PDE1C: variants seen among roughly 807,000 people sequenced by gnomAD.
PDE1C encodes dual specificity calcium/calmodulin-dependent 3',5'-cyclic nucleotide phosphodiesterase 1C.
PDE1C carries 62 observed loss-of-function variants against 93.1 expected under a neutral mutation model. The observed-to-expected ratio is 0.67, with a 90% CI of 0.54 to 0.82. The LOEUF is 0.82. Ranked by LOEUF, PDE1C falls within the 40% of genes least tolerant of loss-of-function variation. The pLI is 0.00. For synonymous variants in PDE1C, 325 were observed against 310.1 expected (o/e 1.05, Z -0.50); for missense variants, 742 against 884.6 (o/e 0.84, Z 2.04).
At chr7:31,923,463 C>T (rs1363444652) in intron 2 of PDE1C, among the ~76,000 whole-genome samples, 1 of 152,210 alleles carries the variant, frequency 6.6e-6, no homozygotes, top group African/African-American at 2.4e-5. Flanking sequence ...TTGAAAACCA[C>T]TGGTTCAGGG....
At chr7:32,227,714 A>AC in intron 1 of PDE1C, among the ~76,000 whole-genome samples, 1 of 152,286 alleles carries the variant, frequency 6.6e-6, no homozygotes, top group African/African-American at 2.4e-5. Flanking sequence ...CCAACAAAAT[A>AC]CTGTAAAATG....
chr7:31,810,247 T>G (rs6951749), intron 15 of PDE1C, among the ~76,000 whole-genome samples: 1 of 152,116 alleles, frequency 6.6e-6, no homozygotes, highest in African/African-American at 2.4e-5. Flanking sequence ...CCAGTCTTAC[T>G]AATGGAAGCT....
chr7:31,979,754 C>T (rs1235024509), intron 2 of PDE1C, among the ~76,000 whole-genome samples: 5 of 152,180 alleles, frequency 3.3e-5, no homozygotes, highest in Non-Finnish European at 5.9e-5. Flanking sequence ...GAATAATGTA[C>T]TTTTTTTATC....
At chr7:32,405,076 G>A (rs979831454) in intron 1 of PDE1C, among the ~76,000 whole-genome samples, 1 of 152,052 alleles carries the variant, frequency 6.6e-6, no homozygotes, top group Admixed American at 6.6e-5. Context: ...CATTTCCTTT[G>A]CCTGGATCCC....
intron 3 of PDE1C, among the ~76,000 whole-genome samples, chr7:32,165,670 T>TTAC (rs1335257513): frequency 6.6e-6 from 1 of 151,364 alleles, no homozygotes; most frequent in Non-Finnish European, 1.5e-5. Context: ...CAAAAGCCAG[T>TTAC]TACCTCCCAT....
At chr7:31,858,624 A>T (rs1371212261) in intron 7 of PDE1C, among the ~76,000 whole-genome samples, 2 of 152,172 alleles carry the variant, frequency 1.3e-5, no homozygotes, top group African/African-American at 2.4e-5. Flanking sequence ...TATTTTTAAG[A>T]AAGTCTATAT....
intron 1 of PDE1C, among the ~76,000 whole-genome samples, chr7:32,409,172 C>T (rs1785116017): frequency 6.6e-6 from 1 of 152,066 alleles, no homozygotes. Context: ...GCCTGGGCAA[C>T]ATGGTGAAAC....
At chr7:32,017,110 A>G (rs1438528036) in intron 2 of PDE1C, among the ~76,000 whole-genome samples, 2 of 152,202 alleles carry the variant, frequency 1.3e-5, no homozygotes, top group East Asian at 1.9e-4. Context: ...GGTGCCTAAC[A>G]CCTAACTGAG....
intron 1 of PDE1C, among the ~76,000 whole-genome samples, chr7:32,054,891 G>C (rs543844648): frequency 6.6e-6 from 1 of 152,290 alleles, no homozygotes; most frequent in South Asian, 2.1e-4. Context: ...GAATGGGCAA[G>C]ATTGGTGAGG....
At chr7:31,658,684 C>A in the PDE1C span, 3 of 175,688 alleles carry the variant, frequency 1.7e-5, no homozygotes, top group African/African-American at 7.1e-5. Flanking sequence ...CGGCACCTTT[C>A]TCTAGCCCAA....
the PDE1C span, among the ~76,000 whole-genome samples, chr7:31,634,870 C>T: frequency 6.6e-6 from 1 of 152,144 alleles, no homozygotes; most frequent in Non-Finnish European, 1.5e-5. Context: ...AGAACTGTGG[C>T]TCCTTCGGCA....
At chr7:32,138,296 GATA>G (rs1266287347) in intron 3 of PDE1C, among the ~76,000 whole-genome samples, 2 of 152,008 alleles carry the variant, frequency 1.3e-5, no homozygotes, top group African/African-American at 2.4e-5. Context: ...AAAAAGTTGG[GATA>G]ATAAAATAAC....
chr7:32,005,909 CACTT>C (rs1436271372), intron 2 of PDE1C, among the ~76,000 whole-genome samples: 45 of 152,108 alleles, frequency 3.0e-4, no homozygotes, highest in Admixed American at 2.9e-3. Context: ...CTTACAGACA[CACTT>C]ACATGTTCAA....
intron 2 of PDE1C, among the ~76,000 whole-genome samples, chr7:31,992,564 T>C (rs1418543523): frequency 6.6e-6 from 1 of 152,170 alleles, no homozygotes; most frequent in Admixed American, 6.5e-5. Context: ...GTTGCATCCA[T>C]AGGCTGGTGA....
chr7:32,317,584 T>C (rs1435938669), intron 1 of PDE1C, among the ~76,000 whole-genome samples: 5 of 149,814 alleles, frequency 3.3e-5, no homozygotes, highest in Non-Finnish European at 7.4e-5. Context: ...GAGAAAGTGA[T>C]AGTTTTTTTT....
intron 1 of PDE1C, among the ~76,000 whole-genome samples, chr7:32,427,246 C>T (rs1466157791): frequency 6.6e-6 from 1 of 152,198 alleles, no homozygotes; most frequent in African/African-American, 2.4e-5. Flanking sequence ...CCTAGTGAGA[C>T]GGAATTATTA....
chr7:32,324,778 A>G (rs891034570), intron 1 of PDE1C, among the ~76,000 whole-genome samples: 1 of 152,140 alleles, frequency 6.6e-6, no homozygotes, highest in African/African-American at 2.4e-5. Flanking sequence ...GCAAGACCTC[A>G]TCTATATGAA....
intron 16 of PDE1C, chr7:31,786,026 T>C (rs1783895775): frequency 2.6e-5 from 4 of 152,240 alleles, no homozygotes; most frequent in Admixed American, 2.6e-4. Context: ...CAATATAACA[T>C]CATTATTGCA....
intron 2 of PDE1C, among the ~76,000 whole-genome samples, chr7:32,172,222 CA>C (rs1336151574): frequency 6.6e-6 from 1 of 151,880 alleles, no homozygotes; most frequent in Non-Finnish European, 1.5e-5. Context: ...TTTGTCTTTG[CA>C]CAAAGACACT....
Sources: allele counts gnomAD v4.1 joint callset (sites outside exome capture counted in the v4.1 genomes callset), GRCh38; gene constraint gnomAD v4.1.1; transcripts MANE v1.5; gene names NCBI Gene and HGNC (gene_info 2026-07-23, HGNC 2026-07-21).